The following ATXN1 variants were observed in gnomAD, a reference collection of about 807,000 sequenced individuals.
The protein encoded by ATXN1 is ataxin-1.
A neutral mutation model predicts 56.4 loss-of-function variants in ATXN1; 8 were observed. The observed-to-expected ratio is 0.14, with a 90% CI of 0.08 to 0.26. The LOEUF (loss-of-function observed/expected upper bound fraction) is 0.26. Among genes scored for constraint, ATXN1 ranks in the 10% least tolerant of loss-of-function variants. The probability of loss-of-function intolerance (pLI) is 1.00; values close to 1 mark genes in which losing one functional copy is unlikely to be tolerated. For missense variants in ATXN1, 987 were observed against 1,106.5 expected (o/e 0.89, Z 1.53); for synonymous variants, 514 against 494.6 (o/e 1.04, Z -0.52).
In ATXN1 at chr6:16,306,241, G is replaced by A; in HGVS notation, c.*88C>T. 7.1e-7 allele frequency: 1 copy of A among 1,417,890 alleles called. No individual in the cohort carries two copies. Among genetic ancestry groups the A allele is most frequent in the East Asian group, 2.3e-5 (1 of 43,674 alleles). 87.8% of individuals were successfully genotyped at this position (1,417,890 alleles called of 1,614,324 possible). Reference sequence around the variant, plus strand: ...AAACCTAAAATTAAGAAGATAACATGTAAATACTGTGTTATTTTAGCCTAC... The same window carrying A: ...AAACCTAAAATTAAGAAGATAACATATAAATACTGTGTTATTTTAGCCTAC... On this transcript the variant is annotated 3_prime_UTR_variant, in exon 8 of 8. Transcript: ENST00000436367. This position sits in a 1 kb window ranked among gnomAD's most constrained non-coding sequence, Gnocchi z 5.2.
intron 5 of ATXN1, among the ~76,000 whole-genome samples, chr6:16,491,686 T>C (rs1760668601): frequency 6.6e-6 from 1 of 152,178 alleles, no homozygotes; most frequent in South Asian, 2.1e-4. Context: ...CACACACCTC[T>C]TCCCAGTTAG....
rs533849712 is a variant in ATXN1 at position 16,758,749 on chromosome 6, A to G, written c.-730+2549T>C. The stretch of plus-strand genomic sequence containing the variant: ...TGCACCGAAAACCTACACCACTGAC[A>G]GGCAGCCAGGAGGTTCAGGGGAGCC... On this transcript the variant is annotated intron_variant, in intron 1 of 7. Transcript: ENST00000436367. Among the ~76,000 whole-genome samples, 284 of 152,372 alleles carry G rather than the reference A, an allele frequency of 1.9e-3. 1 individual carries two copies. Among genetic ancestry groups the G allele is most frequent in the Non-Finnish European group, 3.1e-3 (210 of 68,024 alleles).
chr6:16,583,270 G>A (rs1182589123), intron 4 of ATXN1, among the ~76,000 whole-genome samples: 1 of 152,208 alleles, frequency 6.6e-6, no homozygotes, highest in African/African-American at 2.4e-5. Context: ...GCTCATAGCA[G>A]GGTAACCAGT....
intron 3 of ATXN1, among the ~76,000 whole-genome samples, chr6:16,652,697 C>G (rs544971227): frequency 1.3e-5 from 2 of 152,178 alleles, no homozygotes; most frequent in Non-Finnish European, 2.9e-5. Flanking sequence ...AAACAGCCCT[C>G]GCTCCCATCA....
At chr6:16,500,407 G>GT (rs1760860252) in intron 5 of ATXN1, among the ~76,000 whole-genome samples, 1 of 152,152 alleles carries the variant, frequency 6.6e-6, no homozygotes, top group Non-Finnish European at 1.5e-5. Flanking sequence ...GCCAACCACT[G>GT]TGAGTGTGGG....
At chr6:16,670,725 C>T (rs1211218800) in intron 2 of ATXN1, among the ~76,000 whole-genome samples, 2 of 152,190 alleles carry the variant, frequency 1.3e-5, no homozygotes, top group Admixed American at 1.3e-4. Flanking sequence ...ATATTCAAAA[C>T]ACTACTAGAA....
intron 2 of ATXN1, among the ~76,000 whole-genome samples, chr6:16,689,295 AT>A (rs1196079660): frequency 5.9e-5 from 9 of 151,938 alleles, no homozygotes; most frequent in Admixed American, 1.3e-4. Flanking sequence ...TATAATTTAA[AT>A]TTTTATTTTT....
intron 4 of ATXN1, among the ~76,000 whole-genome samples, chr6:16,540,053 G>A (rs1033662153): frequency 1.3e-5 from 2 of 152,126 alleles, no homozygotes; most frequent in Non-Finnish European, 2.9e-5. Flanking sequence ...TTGCCTTTCC[G>A]CTCGAACACG....
chr6:16,617,766 C>CAAAAAAAAAAA (rs397975811), intron 3 of ATXN1, among the ~76,000 whole-genome samples: 4 of 89,444 alleles, frequency 4.5e-5, no homozygotes, highest in Admixed American at 1.2e-4. Flanking sequence ...AACTCTGTCT[C>CAAAAAAAAAAA]AAAAAAAAAA....
chr6:16,389,333 T>C (rs1026495494), intron 6 of ATXN1, among the ~76,000 whole-genome samples: 1 of 132,722 alleles, frequency 7.5e-6, no homozygotes, highest in Non-Finnish European at 1.6e-5. Context: ...CGAGACTCCA[T>C]CTCCAAAAAA....
intron 4 of ATXN1, among the ~76,000 whole-genome samples, chr6:16,577,813 G>C (rs1281972157): frequency 6.6e-6 from 1 of 152,114 alleles, no homozygotes; most frequent in African/African-American, 2.4e-5. Flanking sequence ...TATAGAAATA[G>C]CATATGTAGA....
At chr6:16,313,548 C>A (rs1043945445) in intron 7 of ATXN1, among the ~76,000 whole-genome samples, 1 of 151,588 alleles carries the variant, frequency 6.6e-6, no homozygotes, top group Non-Finnish European at 1.5e-5. Context: ...AACAAGATGA[C>A]GTTAATGGAA....
At chr6:16,530,712 A>G (rs764028418) in intron 4 of ATXN1, among the ~76,000 whole-genome samples, 7 of 152,182 alleles carry the variant, frequency 4.6e-5, no homozygotes, top group Admixed American at 6.5e-5. Context: ...ACACAAGTTT[A>G]CCTATATAAC....
At position 16,422,953 on chromosome 6, in the gene ATXN1, C is replaced by G. The variant is rs145094808; in HGVS notation, c.-161+63019G>C. ...AAAGCACTTTATTTTCAGTAAGGTG[C>G]TTTAAAAAATAGAATTGTCATATCT... On this transcript the variant is annotated intron_variant, in intron 6 of 7. Transcript: ENST00000436367. 2.1e-3 allele frequency among the ~76,000 whole-genome samples: 319 copies of G among 152,254 alleles called. 1 individual carries two copies. The highest frequency in any genetic ancestry group is 3.9e-3 in the Non-Finnish European group (267 of 68,026).
chr6:16,630,040 GA>G (rs1348905020), intron 3 of ATXN1, among the ~76,000 whole-genome samples: 1 of 152,070 alleles, frequency 6.6e-6, no homozygotes, highest in African/African-American at 2.4e-5. Context: ...AGGTTAAGAT[GA>G]AAATGCTTCC....
intron 3 of ATXN1, among the ~76,000 whole-genome samples, chr6:16,640,586 G>A (rs1226227767): frequency 6.6e-6 from 1 of 151,934 alleles, no homozygotes; most frequent in Admixed American, 6.5e-5. Context: ...GGGAGGCTGA[G>A]GCAGGAGAAT....
At chr6:16,578,730 T>C (rs1475312748) in intron 4 of ATXN1, among the ~76,000 whole-genome samples, 3 of 144,262 alleles carry the variant, frequency 2.1e-5, no homozygotes, top group African/African-American at 8.4e-5. Flanking sequence ...ATAACTAGAG[T>C]AGCAGGAAAA....
At chr6:16,540,852 G>A (rs183588221) in intron 4 of ATXN1, among the ~76,000 whole-genome samples, 7 of 152,224 alleles carry the variant, frequency 4.6e-5, no homozygotes, top group Admixed American at 1.3e-4. Flanking sequence ...GTTCAATACC[G>A]TGTTCATAGA....
At chr6:16,584,645 C>A (rs993521749) in intron 4 of ATXN1, among the ~76,000 whole-genome samples, 1 of 148,094 alleles carries the variant, frequency 6.8e-6, no homozygotes, top group African/African-American at 2.6e-5. Flanking sequence ...CCCCCCCACC[C>A]CCAAAACCCA....
Sources: gnomAD v4.1 joint callset for allele counts (sites outside exome capture counted in the v4.1 genomes callset) on GRCh38, gnomAD v4.1.1 for gene constraint, Gnocchi (gnomAD v3.1) non-coding constraint, MANE v1.5 for transcripts, NCBI Gene and HGNC (gene_info 2026-07-23, HGNC 2026-07-21) for gene names.